The following PIWIL4 variants were observed in gnomAD, a reference collection of about 807,000 sequenced individuals.
The protein encoded by PIWIL4 is piwi-like protein 4.
Under a neutral mutation model 100.9 loss-of-function variants are expected in PIWIL4, and 50 were observed. The ratio of observed to expected loss-of-function variants is 0.50; its 90% CI spans 0.39 to 0.63. The LOEUF is 0.63. Ranked by LOEUF, PIWIL4 falls within the 20% of genes least tolerant of loss-of-function variation. The probability of loss-of-function intolerance (pLI) is 0.00; values close to 1 mark genes in which losing one functional copy is unlikely to be tolerated. For synonymous variants in PIWIL4, 342 were observed against 367.5 expected, an observed-to-expected ratio of 0.93 and a Z score of 0.79; for missense variants, 887 against 1,043.3, an observed-to-expected ratio of 0.85 and a Z score of 2.06.
At chr11:94,587,380 G>T in intron 7 of PIWIL4, 133 bp downstream of exon 7, 1 of 989,688 alleles carries the variant, frequency 1.0e-6, no homozygotes, top group Admixed American at 2.8e-5. Flanking sequence ...AGAAGACCTG[G>T]TTGTTTTGCT....
At chr11:94,584,386 G>A (rs1454179274) in intron 5 of PIWIL4, among the ~76,000 whole-genome samples, 1 of 152,160 alleles carries the variant, frequency 6.6e-6, no homozygotes, top group African/African-American at 2.4e-5. Context: ...CCACCCAGAT[G>A]TCCTAATTCC....
At chr11:94,577,201 A>T in intron 3 of PIWIL4, 77 bp from the exon 4 acceptor site, 1 of 1,228,104 alleles carries the variant, frequency 8.1e-7, no homozygotes, top group Non-Finnish European at 1.2e-6. Flanking sequence ...AGGCAAATAC[A>T]TTTTTAAATG....
At position 94,586,585 on chromosome 11, in the gene PIWIL4, G is replaced by T. The variant is rs549933375; in HGVS notation, c.717-465G>T. On this transcript the variant is annotated intron_variant, in intron 6 of 19. Transcript: ENST00000299001. ...TTCTGAACCTAGATGTTTTCCTGCG[G>T]GGACAGATCACTCCATAAATGTATT... 3.3e-4 allele frequency among the ~76,000 whole-genome samples: 50 copies of T among 152,226 alleles called. No homozygotes were observed. In the South Asian group the frequency reaches 0.01, roughly 31 times the overall value.
At chr11:94,620,792 C>CAGTAACTGTGTAA (rs1948896735) in intron 19 of PIWIL4, 84 bp from the exon 20 acceptor site, 1 of 1,000,976 alleles carries the variant, frequency 1.0e-6, no homozygotes. Context: ...ATCTGTGTAA[C>CAGTAACTGTGTAA]CAGTAGACAA....
Position 94,619,987 on chromosome 11 carries a change from T to C in PIWIL4, c.2295-10T>C. On this transcript the variant is annotated splice_polypyrimidine_tract_variant and intron_variant, in intron 18 of 19. Coordinates refer to ENST00000299001, the MANE Select transcript of PIWIL4 (RefSeq NM_152431.3). ...CTTCTTTCCTACATTCATTCCATTT[T>C]CCCCCTCAGGTATGACTTTTATCTG... 2 of 1,614,108 alleles carry C rather than the reference T, an allele frequency of 1.2e-6. No homozygotes were observed. The highest frequency in any genetic ancestry group is 1.7e-6 in the Non-Finnish European group (2 of 1,180,012).
intron 4 of PIWIL4, among the ~76,000 whole-genome samples, chr11:94,582,395 A>G (rs1190817479): frequency 6.9e-6 from 1 of 145,308 alleles, no homozygotes; most frequent in Non-Finnish European, 1.5e-5. Context: ...ATGAAATCTT[A>G]CATCCCTGTG....
chr11:94,584,175 CA>C (rs1225716042), intron 5 of PIWIL4, among the ~76,000 whole-genome samples: 1 of 152,192 alleles, frequency 6.6e-6, no homozygotes, highest in Non-Finnish European at 1.5e-5. Context: ...CAGAAGTTCA[CA>C]GATAGGCCTG....
In PIWIL4 at chr11:94,587,085, C is replaced by T; in HGVS notation, c.752C>T (p.Ser251Leu). The change falls in exon 7 of 20, where the codon TCA becomes TTA. Residue 251 changes from serine to leucine, a missense_variant. By Grantham distance (145) the Ser-to-Leu change is moderately radical. Transcript: ENST00000299001. ...SLWPGFAISV[S>L]YFERKLLFSA... ...TGGCCTGGGTTTGCCATTTCTGTGT[C>T]ATATTTTGAAAGGAAGCTCCTGTTT... 6.2e-7 allele frequency: 1 copy of T among 1,613,536 alleles called. No individual in the cohort carries two copies. Among genetic ancestry groups the T allele is most frequent in the Non-Finnish European group, 8.5e-7 (1 of 1,179,740 alleles).
intron 8 of PIWIL4, among the ~76,000 whole-genome samples, chr11:94,591,757 C>CCCT (rs1298289807): frequency 2.0e-4 from 30 of 152,004 alleles, no homozygotes; most frequent in Admixed American, 1.3e-4. Flanking sequence ...TTCTAGTATG[C>CCCT]CCTCCTCCCT....
intron 15 of PIWIL4, among the ~76,000 whole-genome samples, 188 bp downstream of exon 15, chr11:94,608,874 TA>T (rs1193188705): frequency 6.6e-6 from 1 of 152,250 alleles, no homozygotes; most frequent in Admixed American, 6.5e-5. Flanking sequence ...GTAGCCTCAT[TA>T]AAAAATCTTT....
At chr11:94,576,707 G>A (rs1948242540) in intron 3 of PIWIL4, among the ~76,000 whole-genome samples, 1 of 152,168 alleles carries the variant, frequency 6.6e-6, no homozygotes. Flanking sequence ...CTGTTTTCAC[G>A]TCGGAAAAAT....
chr11:94,607,016 G>C (rs1948729712), intron 13 of PIWIL4, among the ~76,000 whole-genome samples: 1 of 152,078 alleles, frequency 6.6e-6, no homozygotes, highest in African/African-American at 2.4e-5. Context: ...TTATCTTTGG[G>C]TGGGGTCAGG....
chr11:94,595,526 A>G, intron 10 of PIWIL4, 100 bp downstream of exon 10: 1 of 954,764 alleles, frequency 1.0e-6, no homozygotes, highest in Non-Finnish European at 1.6e-6. Flanking sequence ...TGTCATTCAT[A>G]TTGATTCAGA....
At chr11:94,616,690 C>T in intron 16 of PIWIL4, 127 bp downstream of exon 16, 1 of 668,274 alleles carries the variant, frequency 1.5e-6, no homozygotes, top group African/African-American at 1.9e-5. Context: ...AACTGTCACC[C>T]AGTTGAAGAT....
At chr11:94,575,162 T>A (rs757915786) in intron 3 of PIWIL4, 32 bp downstream of exon 3, 6 of 1,605,672 alleles carry the variant, frequency 3.7e-6, no homozygotes, top group Non-Finnish European at 5.1e-6. Context: ...ACTTTTTTAA[T>A]GTTACCAAAT....
chr11:94,584,360 A>T (rs1948368622), intron 5 of PIWIL4, among the ~76,000 whole-genome samples: 1 of 152,190 alleles, frequency 6.6e-6, no homozygotes, highest in Non-Finnish European at 1.5e-5. Context: ...TCGTATGAGC[A>T]CATCAGGAAC....
At chr11:94,585,646 AT>A (rs987234417) in intron 6 of PIWIL4, 121 bp downstream of exon 6, 3 of 662,060 alleles carry the variant, frequency 4.5e-6, no homozygotes, top group Non-Finnish European at 6.9e-6. Context: ...AATGTAATGA[AT>A]TTTTTATAAT....
chr11:94,597,335 G>A (rs878921705), intron 10 of PIWIL4, among the ~76,000 whole-genome samples: 3 of 152,242 alleles, frequency 2.0e-5, no homozygotes, highest in Admixed American at 1.3e-4. Context: ...CCTTATTAAC[G>A]AGTGTGTTAT....
chr11:94,584,705 A>C (rs1018485686), intron 5 of PIWIL4, among the ~76,000 whole-genome samples: 1 of 152,178 alleles, frequency 6.6e-6, no homozygotes, highest in Non-Finnish European at 1.5e-5. Context: ...GGTGACCAGG[A>C]TTACTTGCTG....
Sources: gnomAD v4.1 joint callset for allele counts (sites outside exome capture counted in the v4.1 genomes callset) on GRCh38, gnomAD v4.1.1 for gene constraint, MANE v1.5 for transcripts, NCBI Gene and HGNC (gene_info 2026-07-23, HGNC 2026-07-21) for gene names.